Variants in MAGI1 observed in about 807,000 individuals in gnomAD.
MAGI1 encodes membrane-associated guanylate kinase, WW and PDZ domain-containing protein 1.
MAGI1 carries 58 observed loss-of-function variants against 139.9 expected under a neutral mutation model. That is an observed-to-expected ratio of 0.41 (90% confidence interval 0.34 to 0.52). MAGI1 has a LOEUF of 0.52. MAGI1 is among the 20% of genes least tolerant of loss of function. The pLI is 0.12. For synonymous variants in MAGI1, 812 were observed against 737.9 expected (o/e 1.10, Z -1.63); for missense variants, 1,874 against 1,901.6 (o/e 0.99, Z 0.27).
intron 1 of MAGI1, among the ~76,000 whole-genome samples, chr3:65,806,710 T>G (rs1389964271): frequency 6.6e-6 from 1 of 152,218 alleles, no homozygotes; most frequent in Non-Finnish European, 1.5e-5. Flanking sequence ...AAATGAATTG[T>G]GCACACCAAT....
intron 2 of MAGI1, among the ~76,000 whole-genome samples, chr3:65,572,134 T>C (rs1405261510): frequency 1.3e-5 from 2 of 152,322 alleles, no homozygotes; most frequent in African/African-American, 4.8e-5. Flanking sequence ...CAGAGTAGAC[T>C]AGTTTACAAT....
At chr3:65,779,601 T>C (rs2038766462) in intron 1 of MAGI1, among the ~76,000 whole-genome samples, 1 of 152,228 alleles carries the variant, frequency 6.6e-6, no homozygotes. Context: ...ATCCCCTAAT[T>C]TGATAGCCTC....
intron 2 of MAGI1, among the ~76,000 whole-genome samples, chr3:65,526,171 T>C (rs1310375474): frequency 6.6e-6 from 1 of 152,214 alleles, no homozygotes; most frequent in Non-Finnish European, 1.5e-5. Context: ...GGGTGGGATA[T>C]ATGCTTGTTT....
intron 1 of MAGI1, among the ~76,000 whole-genome samples, chr3:66,023,371 G>T (rs1054062035): frequency 6.6e-6 from 1 of 151,900 alleles, no homozygotes; most frequent in Non-Finnish European, 1.5e-5. Flanking sequence ...GACCTTTCTT[G>T]GCTCCTTGAT....
At chr3:65,929,404 G>A (rs969907282) in intron 1 of MAGI1, among the ~76,000 whole-genome samples, 28 of 151,238 alleles carry the variant, frequency 1.9e-4, no homozygotes, top group African/African-American at 5.6e-4. Context: ...GCAGTGGCGC[G>A]ATCTCAGCTT....
intron 1 of MAGI1, among the ~76,000 whole-genome samples, chr3:65,731,506 T>A (rs2034187771): frequency 7.6e-6 from 1 of 130,768 alleles, no homozygotes. Context: ...AAAAAAAAAA[T>A]TAGCTGAGCA....
intron 1 of MAGI1, among the ~76,000 whole-genome samples, chr3:65,726,340 T>C (rs2033606214): frequency 6.6e-6 from 1 of 152,198 alleles, no homozygotes; most frequent in Non-Finnish European, 1.5e-5. Context: ...AATAGAATAT[T>C]CAGCATACAG....
chr3:65,685,516 T>C (rs1206507478), intron 1 of MAGI1, among the ~76,000 whole-genome samples: 1 of 152,214 alleles, frequency 6.6e-6, no homozygotes, highest in Admixed American at 6.5e-5. Context: ...CCATCTCATA[T>C]ATATTTTGTA....
chr3:65,657,793 C>A lies in MAGI1; in HGVS notation c.314-35705G>T, dbSNP rs1481810171. 3.9e-5 allele frequency among the ~76,000 whole-genome samples: 6 copies of A among 152,210 alleles called. No homozygotes were observed. The East Asian group carries it at 7.7e-4, about 20-fold the overall frequency. On this transcript the variant is annotated intron_variant, in intron 1 of 22. Transcript: ENST00000402939. ...AAAATCAAACCACCTTGCATGATGA[C>A]CCCCAGTGAAGTGATAGCATGAAAA...
chr3:65,881,608 C>T (rs934427908), intron 1 of MAGI1, among the ~76,000 whole-genome samples: 2 of 151,390 alleles, frequency 1.3e-5, no homozygotes, highest in Non-Finnish European at 2.9e-5. Flanking sequence ...GCTTGGGTGA[C>T]AGAGCCAGAC....
At chr3:65,428,751 C>T (rs1232521735) in intron 12 of MAGI1, among the ~76,000 whole-genome samples, 1 of 152,106 alleles carries the variant, frequency 6.6e-6, no homozygotes, top group Non-Finnish European at 1.5e-5. Context: ...GAAATAACGT[C>T]TTGTGCTAAA....
chr3:65,809,561 C>G (rs957331841), intron 1 of MAGI1, among the ~76,000 whole-genome samples: 1 of 152,130 alleles, frequency 6.6e-6, no homozygotes, highest in African/African-American at 2.4e-5. Context: ...CCCAGTCCCA[C>G]CATCCTGCAG....
chr3:65,710,269 C>CTTTTTTT (rs1175790063), intron 1 of MAGI1, among the ~76,000 whole-genome samples: 11 of 66,906 alleles, frequency 1.6e-4, no homozygotes, highest in East Asian at 4.4e-4. Context: ...CCTTACATTT[C>CTTTTTTT]TTTTTTTTTT....
At chr3:65,711,870 T>C (rs910121448) in intron 1 of MAGI1, among the ~76,000 whole-genome samples, 4 of 152,206 alleles carry the variant, frequency 2.6e-5, no homozygotes, top group Admixed American at 2.6e-4. Flanking sequence ...TGGTCTGTGA[T>C]ACCTTGTTAT....
rs761779432 is a variant in MAGI1 at position 65,470,338 on chromosome 3, G to A, written c.904C>T (p.Leu302=). 36 of 1,613,658 alleles carry A rather than the reference G, an allele frequency of 2.2e-5. No individual in the cohort carries two copies. Among genetic ancestry groups the A allele is most frequent in the Middle Eastern group, 3.3e-4 (2 of 6,080 alleles). The change falls in exon 5 of 23, where the codon CTA becomes TTA. Residue 302 remains leucine (L), a synonymous_variant. Transcript: ENST00000402939. ...TAGGCCATCTCCCAGTTTTCAGGTA[G>A]AGGACCTAAATTATCCTCTGCAGAA... is the stretch of plus-strand genomic sequence containing the variant. ...PLSAEDNLGP[L]PENWEMAYTE...
At chr3:65,593,995 A>G (rs1230965139) in intron 2 of MAGI1, among the ~76,000 whole-genome samples, 1 of 152,038 alleles carries the variant, frequency 6.6e-6, no homozygotes, top group East Asian at 1.9e-4. Flanking sequence ...CCTCCCCTTT[A>G]CTCTCATGCC....
Position 65,684,868 on chromosome 3 carries a change from A to ATTT in MAGI1, c.314-62783_314-62781dup, listed in dbSNP as rs761948943. 1.5e-3 allele frequency among the ~76,000 whole-genome samples: 145 copies of ATTT among 98,170 alleles called. 11 individuals carry two copies. The highest frequency in any genetic ancestry group is 7.1e-3 in the African/African-American group (126 of 17,702). The allele number at this position is 98,170 out of a possible 152,430, so 64.4% of individuals were successfully genotyped here. On this transcript the variant is annotated intron_variant, in intron 1 of 22. Transcript: ENST00000402939. Reference sequence around the variant, plus strand: ...AGGTGCAAGCCACCACACCTGGCTAATTTTTTTTTTTTTTTTTTTTTTTTT... The same window carrying ATTT: ...AGGTGCAAGCCACCACACCTGGCTAATTTTTTTTTTTTTTTTTTTTTTTTTTTT...
intron 1 of MAGI1, among the ~76,000 whole-genome samples, chr3:65,680,252 C>A (rs1249329994): frequency 6.6e-5 from 10 of 152,186 alleles, no homozygotes; most frequent in Admixed American, 6.5e-4. Flanking sequence ...GGACAGCAGC[C>A]CTCAGCAGGT....
At chr3:66,030,317 A>T (rs927611428) in intron 1 of MAGI1, among the ~76,000 whole-genome samples, 2 of 152,194 alleles carry the variant, frequency 1.3e-5, no homozygotes, top group Non-Finnish European at 2.9e-5. Flanking sequence ...ACATTTTCAG[A>T]GGTAACTGAC....
Sources: gnomAD v4.1 joint callset for allele counts (sites outside exome capture counted in the v4.1 genomes callset) on GRCh38, gnomAD v4.1.1 for gene constraint, MANE v1.5 for transcripts, NCBI Gene and HGNC (gene_info 2026-07-23, HGNC 2026-07-21) for gene names.